Variants in KCNQ5 observed in about 807,000 individuals in gnomAD.
KCNQ5 encodes potassium voltage-gated channel subfamily KQT member 5.
A neutral mutation model predicts 98.2 loss-of-function variants in KCNQ5; 30 were observed. The observed-to-expected ratio is 0.31, with a 90% confidence interval of 0.23 to 0.41. KCNQ5 has a LOEUF of 0.41. KCNQ5 is among the 10% of genes least tolerant of loss of function. The pLI, the probability that KCNQ5 is intolerant of heterozygous loss-of-function variation, is 1.00. For missense variants in KCNQ5, 835 were observed against 1,182.5 expected, an observed-to-expected ratio of 0.71 and a Z score of 4.31; for synonymous variants, 458 against 449.4, an observed-to-expected ratio of 1.02 and a Z score of -0.24.
intron 1 of KCNQ5, among the ~76,000 whole-genome samples, chr6:72,841,295 G>A (rs1325189117): frequency 6.6e-6 from 1 of 152,070 alleles, no homozygotes; most frequent in Non-Finnish European, 1.5e-5. Context: ...TTAACATATT[G>A]AATCAAAAAC....
At chr6:73,190,835 C>A in intron 12 of KCNQ5, 131 bp downstream of exon 12, 1 of 504,730 alleles carries the variant, frequency 2.0e-6, no homozygotes. Context: ...ATGGAATTTG[C>A]TTTAAACATT....
rs1768564771 is a variant in KCNQ5, at chr6:72,697,626, A to C, written c.398+75039A>C. On this transcript the variant is annotated intron_variant, in intron 1 of 13. Coordinates refer to ENST00000370398, the MANE Select transcript of KCNQ5 (RefSeq NM_019842.4). The stretch of plus-strand genomic sequence containing the variant: ...TAAGCAAGGCAGGAGTGATGAAGAA[A>C]TATTTGGTAATGAAAGTCAAGAGAA... Among the ~76,000 whole-genome samples the C allele has an allele frequency of 3.3e-5, 5 of 152,324 alleles. No individual in the cohort carries two copies. In the South Asian group the frequency reaches 8.3e-4, roughly 25 times the overall value.
intron 1 of KCNQ5, among the ~76,000 whole-genome samples, chr6:72,830,497 T>A (rs1776209723): frequency 6.6e-6 from 1 of 152,196 alleles, no homozygotes; most frequent in African/African-American, 2.4e-5. Context: ...GATTCCCTAT[T>A]TAATAAATGG....
Position 73,196,967 on chromosome 6 carries a change from A to G in KCNQ5, c.*1553A>G, listed in dbSNP as rs1318996739. 3 of 152,164 alleles carry G rather than the reference A, an allele frequency of 2.0e-5. No individual in the cohort carries two copies. The highest frequency in any genetic ancestry group is 1.3e-4 in the Admixed American group (2 of 15,270). The allele number at this position is 152,164 out of a possible 1,614,324, so 9.4% of individuals were successfully genotyped here. ...ACATAAGAGATAGCATTTCAATTCA[A>G]TTAAACCCTAGCCACAGGAGGACTC... On this transcript the variant is annotated 3_prime_UTR_variant, in exon 14 of 14. Transcript: ENST00000370398.
intron 10 of KCNQ5, chr6:73,133,927 G>T: frequency 1.8e-6 from 1 of 545,026 alleles, no homozygotes; most frequent in Non-Finnish European, 3.6e-6. Context: ...TCAGACAAGG[G>T]CCACATTAAG....
intron 5 of KCNQ5, among the ~76,000 whole-genome samples, chr6:73,080,069 C>CA (rs978049014): frequency 1.3e-5 from 2 of 152,050 alleles, no homozygotes; most frequent in Admixed American, 6.6e-5. Context: ...CTCCTTATTA[C>CA]AAAAAAGAAT....
At chr6:72,734,510 C>T (rs1326991485) in intron 1 of KCNQ5, among the ~76,000 whole-genome samples, 10 of 151,850 alleles carry the variant, frequency 6.6e-5, no homozygotes, top group Non-Finnish European at 1.2e-4. Flanking sequence ...TTAGTAGAGA[C>T]GGGGTTTCGA....
At chr6:72,858,749 T>G (rs1026299919) in intron 1 of KCNQ5, among the ~76,000 whole-genome samples, 3 of 152,126 alleles carry the variant, frequency 2.0e-5, no homozygotes, top group African/African-American at 7.2e-5. Flanking sequence ...GTTCTCCAGT[T>G]CTGTATCTTG....
At chr6:72,643,164 G>C (rs1765415037) in intron 1 of KCNQ5, among the ~76,000 whole-genome samples, 1 of 152,052 alleles carries the variant, frequency 6.6e-6, no homozygotes, top group Admixed American at 6.6e-5. Context: ...TGGGTCCTAG[G>C]CTTAGTACCT....
At chr6:72,811,414 T>C (rs1466168948) in intron 1 of KCNQ5, among the ~76,000 whole-genome samples, 2 of 152,190 alleles carry the variant, frequency 1.3e-5, no homozygotes, top group Non-Finnish European at 2.9e-5. Context: ...ACCCAAGTTC[T>C]ATACATCCCC....
chr6:73,176,208 C>T (rs1218212448), intron 11 of KCNQ5, among the ~76,000 whole-genome samples: 1 of 152,140 alleles, frequency 6.6e-6, no homozygotes, highest in Non-Finnish European at 1.5e-5. Flanking sequence ...AGAGGAGGAG[C>T]CTGGTGGGAG....
At chr6:72,985,297 C>T (rs1768712624) in intron 1 of KCNQ5, among the ~76,000 whole-genome samples, 1 of 152,190 alleles carries the variant, frequency 6.6e-6, no homozygotes, top group South Asian at 2.1e-4. Context: ...AGATTTTTTA[C>T]TCTGTGTTTT....
rs185909835 is a variant in KCNQ5, at chr6:72,785,838, C to A, written c.398+163251C>A. 4.1e-3 allele frequency among the ~76,000 whole-genome samples: 623 copies of A among 152,232 alleles called. 1 individual carries two copies. The highest frequency in any genetic ancestry group is 6.5e-3 in the Non-Finnish European group (444 of 68,008). On this transcript the variant is annotated intron_variant, in intron 1 of 13. Transcript: ENST00000370398. ...GTCTATTGTACCTCCTGGGTGCACA[C>A]ATCACAGAGTTACATCCATTCCCGC...
At chr6:72,949,391 TCC>T (rs1453735017) in intron 1 of KCNQ5, among the ~76,000 whole-genome samples, 1 of 152,082 alleles carries the variant, frequency 6.6e-6, no homozygotes, top group African/African-American at 2.4e-5. Context: ...AAACAGAGCC[TCC>T]CATGTAAAGT....
chr6:72,932,969 T>A (rs2150231055), intron 1 of KCNQ5, among the ~76,000 whole-genome samples: 1 of 152,332 alleles, frequency 6.6e-6, no homozygotes, highest in East Asian at 1.9e-4. Flanking sequence ...CTTTCTCAAC[T>A]AAGAATATAT....
chr6:72,917,350 A>C (rs1780191176), intron 1 of KCNQ5, among the ~76,000 whole-genome samples: 1 of 152,204 alleles, frequency 6.6e-6, no homozygotes, highest in Admixed American at 6.5e-5. Flanking sequence ...GTAAGACATG[A>C]AAAAGCTTTT....
intron 1 of KCNQ5, among the ~76,000 whole-genome samples, chr6:72,938,851 G>A (rs1766083101): frequency 6.6e-6 from 1 of 152,008 alleles, no homozygotes; most frequent in Non-Finnish European, 1.5e-5. Context: ...AAATGTGGAT[G>A]TTGTTGTTGT....
chr6:72,748,284 C>T (rs1262897938), intron 1 of KCNQ5, among the ~76,000 whole-genome samples: 1 of 152,014 alleles, frequency 6.6e-6, no homozygotes, highest in Admixed American at 6.6e-5. Context: ...TCAAAAGTGA[C>T]TTCAGTATCA....
intron 11 of KCNQ5, among the ~76,000 whole-genome samples, chr6:73,175,312 G>A (rs1373530547): frequency 1.3e-5 from 2 of 152,086 alleles, no homozygotes; most frequent in Non-Finnish European, 2.9e-5. Context: ...GACCATGACT[G>A]GCTAATTTTG....
Sources: gnomAD v4.1 joint callset for allele counts (sites outside exome capture counted in the v4.1 genomes callset) on GRCh38, gnomAD v4.1.1 for gene constraint, MANE v1.5 for transcripts, NCBI Gene and HGNC (gene_info 2026-07-23, HGNC 2026-07-21) for gene names.